The following TARBP1 variants were observed in gnomAD, a reference collection of about 807,000 sequenced individuals.
The protein encoded by TARBP1 is tRNA guanosine 2 -O-methyltransferase TARBP1, also known as tRNA (guanosine(18)-2'-O)-methyltransferase TARBP1.
TARBP1 carries 144 observed loss-of-function variants against 178.6 expected under a neutral mutation model. That is an observed-to-expected ratio of 0.81 (90% CI 0.70 to 0.93). The LOEUF is 0.93. TARBP1 is among the 40% of genes least tolerant of loss of function. The probability of loss-of-function intolerance (pLI) is 0.00; values close to 1 mark genes in which losing one functional copy is unlikely to be tolerated. For synonymous variants in TARBP1, 787 were observed against 781.0 expected (o/e 1.01, Z -0.13); for missense variants, 2,067 against 2,011.7 (o/e 1.03, Z -0.53).
chr1:234,475,002 G>A (rs1669448347), intron 1 of TARBP1, among the ~76,000 whole-genome samples: 1 of 152,132 alleles, frequency 6.6e-6, no homozygotes, highest in Non-Finnish European at 1.5e-5. Flanking sequence ...AGCAAGACAT[G>A]GTCACCCAAA....
chr1:234,479,116 C>A lies in TARBP1; in HGVS notation c.-13G>T, dbSNP rs191618757. On this transcript the variant is annotated 5_prime_UTR_variant, in exon 1 of 30. Coordinates refer to ENST00000040877, the MANE Select transcript of TARBP1 (RefSeq NM_005646.4). ...GCACCCACTCCATTTGCCGAGCGCC[C>A]GCGCCACCGGCCCGGGCTCCCAAAG... The A allele has an allele frequency of 8.1e-5, 123 of 1,522,976 alleles. No individual in the cohort carries two copies. The highest frequency in any genetic ancestry group is 9.9e-5 in the Non-Finnish European group (114 of 1,148,938). The allele number at this position is 1,522,976 out of a possible 1,614,324, so 94.3% of individuals were successfully genotyped here.
rs914198872 is a variant in TARBP1, at chr1:234,393,418, C to T, written c.4504G>A (p.Asp1502Asn). 7.5e-6 allele frequency: 12 copies of T among 1,609,396 alleles called. No individual in the cohort carries two copies. The highest frequency in any genetic ancestry group is 2.7e-5 in the African/African-American group (2 of 74,792). ...ACACTGAGGTGCTGAAACTGTTTGTCGCTGATACACTGAAGGCTGCCAACA... is the reference window on the plus strand; with the variant it reads ...ACACTGAGGTGCTGAAACTGTTTGTTGCTGATACACTGAAGGCTGCCAACA... ...LVVGSLQCISDKQFQHLSVSA... is the reference protein window; with the variant it reads ...LVVGSLQCISNKQFQHLSVSA... Residue 1502 changes from aspartate (D) to asparagine (N), a missense_variant, in exon 28 of 30, where the codon GAC becomes AAC. Transcript: ENST00000040877.
At chr1:234,460,090 A>G (rs1191161464) in intron 7 of TARBP1, among the ~76,000 whole-genome samples, 171 bp downstream of exon 7, 2 of 152,222 alleles carry the variant, frequency 1.3e-5, no homozygotes, top group African/African-American at 4.8e-5. Context: ...GTTCAACTAT[A>G]CGAATAATAC....
intron 20 of TARBP1, among the ~76,000 whole-genome samples, chr1:234,424,768 A>G (rs1444258884): frequency 1.3e-5 from 2 of 152,142 alleles, no homozygotes; most frequent in African/African-American, 4.8e-5. Context: ...TCTGCTAAAA[A>G]TACAAAAATT....
chr1:234,467,491 G>A lies in TARBP1; in HGVS notation c.1248+11C>T. ...ACAATGGGAGCAAGGAAGGGGACAG[G>A]GTGTCATTACCTCAGAAAATTCTGG... is the stretch of plus-strand genomic sequence containing the variant. On this transcript the variant is annotated intron_variant, in intron 4 of 29. Coordinates refer to ENST00000040877, the MANE Select transcript of TARBP1 (RefSeq NM_005646.4). 2 of 1,571,294 alleles carry A rather than the reference G, an allele frequency of 1.3e-6. No homozygotes were observed. The highest frequency in any genetic ancestry group is 1.4e-5 in the African/African-American group (1 of 72,880).
At chr1:234,392,712 T>TA in intron 28 of TARBP1, 160 bp from the exon 29 acceptor site, 1 of 529,134 alleles carries the variant, frequency 1.9e-6, no homozygotes. Context: ...GACATCAATT[T>TA]CTTTTTTTTT....
Position 234,392,495 on chromosome 1 carries a change from T to C in TARBP1, c.4618A>G (p.Ile1540Val). The C allele has an allele frequency of 1.9e-6, 3 of 1,614,114 alleles. No homozygotes were observed. The highest frequency in any genetic ancestry group is 1.3e-5 in the African/African-American group (1 of 75,072). Residue 1540 changes from isoleucine (I) to valine (V), a missense_variant, in exon 29 of 30, where the codon ATC becomes GTC. By Grantham distance (29) the Ile-to-Val change is conservative. Coordinates refer to ENST00000040877, the MANE Select transcript of TARBP1 (RefSeq NM_005646.4). ...LQQKKTEGYT[I>V]IGVEQTAKSL... ...TTGGCAGTTTGTTCCACTCCAATGA[T>C]GGTATAACCTTCTGTTTTCTTCTGC... is the stretch of plus-strand genomic sequence containing the variant.
intron 28 of TARBP1, among the ~76,000 whole-genome samples, chr1:234,393,104 T>C (rs188978287): frequency 2.6e-5 from 4 of 152,234 alleles, no homozygotes; most frequent in East Asian, 3.9e-4. Context: ...TTCTACATTA[T>C]TGATGATTTC....
In TARBP1 at chr1:234,479,080, C is replaced by T. The variant is rs1442969913; in HGVS notation, c.24G>A (p.Ala8=). 4.5e-6 allele frequency: 7 copies of T among 1,539,060 alleles called. No individual in the cohort carries two copies. The Admixed American group carries it at 7.8e-5, about 17-fold the overall frequency. ...GGGGGTCCCGGCTCTGCGAGAGCAG[C>T]GCTTCCGCGAGCACCCACTCCATTT... MEWVLAE[A]LLSQSRDPRA... Residue 8 remains alanine, a synonymous_variant, in exon 1 of 30, where the codon GCG becomes GCA. Transcript: ENST00000040877.
chr1:234,392,727 T>C (rs563488570), intron 28 of TARBP1, 175 bp from the exon 29 acceptor site: 2 of 500,614 alleles, frequency 4.0e-6, no homozygotes, highest in African/African-American at 4.1e-5. Flanking sequence ...TTTTTTTTTT[T>C]TGAGGTGGAG....
chr1:234,403,410 A>G (rs1660896168), intron 24 of TARBP1, among the ~76,000 whole-genome samples: 1 of 152,218 alleles, frequency 6.6e-6, no homozygotes, highest in African/African-American at 2.4e-5. Flanking sequence ...CCCAGACTGA[A>G]CAGTCTGTAT....
At chr1:234,443,059 G>A (rs1665757692) in intron 12 of TARBP1, among the ~76,000 whole-genome samples, 1 of 152,136 alleles carries the variant, frequency 6.6e-6, no homozygotes, top group African/African-American at 2.4e-5. Context: ...GGGAGGTCGA[G>A]GCAGGCGGAT....
At chr1:234,453,589 A>C (rs1667005046) in intron 9 of TARBP1, among the ~76,000 whole-genome samples, 1 of 152,150 alleles carries the variant, frequency 6.6e-6, no homozygotes, top group Non-Finnish European at 1.5e-5. Context: ...GCTACATGAA[A>C]ATGCCATTTC....
chr1:234,429,982 A>C, intron 15 of TARBP1, 105 bp downstream of exon 15: 1 of 1,145,238 alleles, frequency 8.7e-7, no homozygotes, highest in East Asian at 2.4e-5. Flanking sequence ...TCCTGAATGG[A>C]GCTTCAGCCC....
At chr1:234,444,202 TCCC>T (rs1665905897) in intron 12 of TARBP1, among the ~76,000 whole-genome samples, 1 of 149,110 alleles carries the variant, frequency 6.7e-6, no homozygotes, top group South Asian at 2.1e-4. Context: ...AAGAGATTAC[TCCC>T]ACAAAAAAAG....
chr1:234,418,081 T>C lies in TARBP1; in HGVS notation c.3705+3A>G. On this transcript the variant is annotated splice_donor_region_variant and intron_variant, in intron 22 of 29. Transcript: ENST00000040877. Reference sequence around the variant, plus strand: ...AAATATATAAAAAATATTCTTTACTTACATAAGAAAAACAATCCCAGAACT... The same window carrying C: ...AAATATATAAAAAATATTCTTTACTCACATAAGAAAAACAATCCCAGAACT... The C allele has an allele frequency of 3.1e-6, 4 of 1,297,008 alleles. No individual in the cohort carries two copies. The highest frequency in any genetic ancestry group is 4.1e-6 in the Non-Finnish European group (4 of 969,236). 80.3% of individuals were successfully genotyped at this position (1,297,008 alleles called of 1,614,324 possible).
chr1:234,394,429 C>G (rs1659710608), intron 26 of TARBP1, among the ~76,000 whole-genome samples: 1 of 152,198 alleles, frequency 6.6e-6, no homozygotes, highest in Non-Finnish European at 1.5e-5. Context: ...TGAGACTCTA[C>G]CTCTCAGGCT....
Position 234,446,137 on chromosome 1 carries a change from T to C in TARBP1, c.2134+666A>G, listed in dbSNP as rs527353087. ...ACCTAATACTAATGCTCCTCTAGAA[T>C]TTTTAAACAGGAAATTTCTAAAACT... On this transcript the variant is annotated intron_variant, in intron 12 of 29. Transcript: ENST00000040877. Among the ~76,000 whole-genome samples the C allele has an allele frequency of 2.0e-5, 3 of 152,322 alleles. No individual in the cohort carries two copies. In the South Asian group the frequency reaches 6.2e-4, roughly 32 times the overall value.
intron 12 of TARBP1, among the ~76,000 whole-genome samples, chr1:234,443,290 C>CAAA (rs1254089749): frequency 2.6e-5 from 2 of 76,280 alleles, no homozygotes; most frequent in Non-Finnish European, 5.7e-5. Context: ...AACTCCGTCT[C>CAAA]AAAAAAAAAA....
Sources: allele counts gnomAD v4.1 joint callset (sites outside exome capture counted in the v4.1 genomes callset), GRCh38; gene constraint gnomAD v4.1.1; transcripts MANE v1.5; gene names NCBI Gene and HGNC (gene_info 2026-07-23, HGNC 2026-07-21).